WDPCP: variants seen among roughly 807,000 people sequenced by gnomAD.
The protein encoded by WDPCP is WD repeat containing planar cell polarity effector.
In WDPCP, 71 loss-of-function variants were observed where a neutral mutation model predicts 93.1. The observed-to-expected ratio is 0.76, with a 90% CI of 0.63 to 0.93. The LOEUF is 0.93. Ranked by LOEUF, WDPCP falls within the 40% of genes least tolerant of loss-of-function variation. The pLI, the probability that WDPCP is intolerant of heterozygous loss-of-function variation, is 0.00. For missense variants in WDPCP, 844 were observed against 887.4 expected, an observed-to-expected ratio of 0.95 and a Z score of 0.62; for synonymous variants, 315 against 315.0, an observed-to-expected ratio of 1.00 and a Z score of 0.00.
chr2:63,372,021 GT>G (rs1691436511), intron 12 of WDPCP, among the ~76,000 whole-genome samples: 1 of 152,168 alleles, frequency 6.6e-6, no homozygotes, highest in Non-Finnish European at 1.5e-5. Context: ...TTGGCTCATG[GT>G]TCTGTAGCCT....
intron 12 of WDPCP, among the ~76,000 whole-genome samples, chr2:63,377,459 A>T (rs1691939167): frequency 2.0e-5 from 3 of 151,322 alleles, no homozygotes; most frequent in Non-Finnish European, 3.0e-5. Context: ...ATATGCAAAC[A>T]TACACAGACA....
chr2:63,583,412 C>T (rs775495246), intron 1 of WDPCP, among the ~76,000 whole-genome samples: 12 of 152,126 alleles, frequency 7.9e-5, no homozygotes, highest in African/African-American at 1.9e-4. Context: ...TGGCAGAGCA[C>T]GGTGGCTCAT....
At chr2:63,215,101 C>G (rs1168453007) in intron 14 of WDPCP, among the ~76,000 whole-genome samples, 1 of 152,138 alleles carries the variant, frequency 6.6e-6, no homozygotes, top group Non-Finnish European at 1.5e-5. Flanking sequence ...AATGACTTTC[C>G]TCACAGAATT....
chr2:63,530,744 G>A (rs939645029), intron 1 of WDPCP, among the ~76,000 whole-genome samples: 1 of 152,176 alleles, frequency 6.6e-6, no homozygotes, highest in African/African-American at 2.4e-5. Context: ...GACCAAATAG[G>A]AACAGCTCCA....
intron 3 of WDPCP, among the ~76,000 whole-genome samples, chr2:63,634,540 A>G (rs1709901934): frequency 6.6e-6 from 1 of 152,204 alleles, no homozygotes; most frequent in Admixed American, 6.5e-5. Flanking sequence ...CATATCCAGA[A>G]CATTCCATCC....
chr2:63,797,713 C>T (rs533680435), intron 2 of WDPCP, among the ~76,000 whole-genome samples: 2 of 152,040 alleles, frequency 1.3e-5, no homozygotes, highest in East Asian at 1.9e-4. Flanking sequence ...CAAATCTAAG[C>T]GTTACTGGCC....
chr2:63,445,896 G>A (rs957115516), intron 6 of WDPCP, among the ~76,000 whole-genome samples: 3 of 152,086 alleles, frequency 2.0e-5, no homozygotes, highest in African/African-American at 7.2e-5. Flanking sequence ...TACAAAATAA[G>A]TATGCAAGTT....
At chr2:63,751,357 C>A (rs1669879333) in intron 2 of WDPCP, among the ~76,000 whole-genome samples, 1 of 151,834 alleles carries the variant, frequency 6.6e-6, no homozygotes, top group South Asian at 2.1e-4. Flanking sequence ...TTTAAAGACA[C>A]ATTTATTCAG....
At chr2:63,314,913 G>A (rs1480081103) in intron 12 of WDPCP, among the ~76,000 whole-genome samples, 1 of 152,096 alleles carries the variant, frequency 6.6e-6, no homozygotes, top group Admixed American at 6.6e-5. Context: ...TGAAATTAAG[G>A]GGGATAAGTT....
chr2:63,466,686 G>C (rs577027460), intron 6 of WDPCP, among the ~76,000 whole-genome samples: 9 of 152,174 alleles, frequency 5.9e-5, no homozygotes, highest in Non-Finnish European at 8.8e-5. Flanking sequence ...ATAAATATTT[G>C]GTATGTGTTT....
chr2:63,715,425 G>GT (rs1479366516), intron 2 of WDPCP, among the ~76,000 whole-genome samples: 1 of 152,182 alleles, frequency 6.6e-6, no homozygotes, highest in African/African-American at 2.4e-5. Context: ...AGAAACAACT[G>GT]TTTGTACCAA....
intron 1 of WDPCP, among the ~76,000 whole-genome samples, chr2:63,497,138 G>A (rs1257545562): frequency 3.0e-5 from 4 of 132,104 alleles, no homozygotes; most frequent in African/African-American, 8.6e-5. Flanking sequence ...AAAAAGAATG[G>A]AGAAGTGGCT....
chr2:63,241,441 T>C (rs968938306), intron 14 of WDPCP, among the ~76,000 whole-genome samples: 2 of 152,198 alleles, frequency 1.3e-5, no homozygotes, highest in Admixed American at 1.3e-4. Flanking sequence ...GCAGTTTCAA[T>C]TGTTTATAGA....
chr2:63,291,822 GAAAAGAAAAGAAAAAGA>G (rs1316889323), intron 13 of WDPCP, among the ~76,000 whole-genome samples: 1 of 131,160 alleles, frequency 7.6e-6, no homozygotes, highest in Non-Finnish European at 1.6e-5. Context: ...AAAAAAAAAA[GAAAAGAAAAGAAAAAGA>G]AAAAGAAAAG....
At chr2:63,450,506 C>T (rs1353446467) in intron 6 of WDPCP, among the ~76,000 whole-genome samples, 12 of 152,156 alleles carry the variant, frequency 7.9e-5, no homozygotes, top group African/African-American at 2.9e-4. Context: ...CCACTACTAA[C>T]ATTTAAACAA....
intron 17 of WDPCP, among the ~76,000 whole-genome samples, chr2:63,136,728 T>C (rs754565988): frequency 3.3e-5 from 5 of 152,222 alleles, no homozygotes; most frequent in African/African-American, 9.6e-5. Context: ...TACCCTCCAA[T>C]AGGCCTCATG....
At chr2:63,682,668 TAA>T (rs1668731550) in intron 2 of WDPCP, among the ~76,000 whole-genome samples, 1 of 151,782 alleles carries the variant, frequency 6.6e-6, no homozygotes, top group South Asian at 2.1e-4. Flanking sequence ...GAGAAAGATA[TAA>T]ATATCCAAGT....
the WDPCP span, among the ~76,000 whole-genome samples, chr2:63,835,955 A>G: frequency 6.6e-6 from 1 of 152,104 alleles, no homozygotes; most frequent in Non-Finnish European, 1.5e-5. Context: ...CCCATGTTCA[A>G]GTGAGTTTTG....
intron 17 of WDPCP, among the ~76,000 whole-genome samples, chr2:63,149,100 G>A (rs1671724464): frequency 6.6e-6 from 1 of 151,754 alleles, no homozygotes; most frequent in South Asian, 2.1e-4. Context: ...CAACAACTTG[G>A]GAGGAGTTAT....
Sources: gnomAD v4.1 joint callset for allele counts (sites outside exome capture counted in the v4.1 genomes callset) on GRCh38, gnomAD v4.1.1 for gene constraint, MANE v1.5 for transcripts, NCBI Gene and HGNC (gene_info 2026-07-23, HGNC 2026-07-21) for gene names.